ITPR2: variants seen among roughly 807,000 people sequenced by gnomAD.
The protein encoded by ITPR2 is inositol 1,4,5-trisphosphate-gated calcium channel ITPR2.
Under a neutral mutation model 317.1 loss-of-function variants are expected in ITPR2, and 207 were observed. The observed-to-expected ratio is 0.65, with a 90% CI of 0.58 to 0.73. The LOEUF (loss-of-function observed/expected upper bound fraction) is 0.73. Ranked by LOEUF, ITPR2 falls within the 30% of genes least tolerant of loss-of-function variation. The pLI is 0.00. For synonymous variants in ITPR2, 1,156 were observed against 1,149.1 expected, an observed-to-expected ratio of 1.01 and a Z score of -0.12; for missense variants, 2,613 against 3,284.0, an observed-to-expected ratio of 0.80 and a Z score of 4.99.
intron 13 of ITPR2, among the ~76,000 whole-genome samples, chr12:26,673,495 C>A (rs1331534238): frequency 6.6e-6 from 1 of 151,552 alleles, no homozygotes; most frequent in Admixed American, 6.6e-5. Flanking sequence ...AATTCAACAA[C>A]CCTTCATGCT....
intron 37 of ITPR2, among the ~76,000 whole-genome samples, chr12:26,503,220 C>CACACACACACACACACACACA (rs1555143322): frequency 6.6e-6 from 1 of 151,544 alleles, no homozygotes; most frequent in Non-Finnish European, 1.5e-5. Flanking sequence ...CACACACACA[C>CACACACACACACACACACACA]GGATTAAGTG....
intron 55 of ITPR2, among the ~76,000 whole-genome samples, chr12:26,379,775 A>G (rs1288799573): frequency 2.0e-5 from 3 of 152,198 alleles, no homozygotes; most frequent in Non-Finnish European, 2.9e-5. Context: ...TACATATTTT[A>G]TCAATGGGTA....
At chr12:26,605,126 A>AAAAAAATATATATATATATAT (rs1555165395) in intron 26 of ITPR2, among the ~76,000 whole-genome samples, 12 of 136,318 alleles carry the variant, frequency 8.8e-5, no homozygotes, top group African/African-American at 3.2e-4. Context: ...AAAAAATAAA[A>AAAAAAATATATATATATATAT]ATATATATAT....
intron 1 of ITPR2, among the ~76,000 whole-genome samples, chr12:26,810,072 C>T (rs1015793427): frequency 3.3e-5 from 5 of 152,210 alleles, no homozygotes; most frequent in Admixed American, 3.3e-4. Context: ...GGAAGTAAGA[C>T]TTATCCTAAA....
At chr12:26,495,299 C>A in intron 37 of ITPR2, 39 bp from the exon 38 acceptor site, 2 of 1,126,402 alleles carry the variant, frequency 1.8e-6, no homozygotes, top group East Asian at 2.4e-5. Context: ...GTTCCCTTTT[C>A]TAATAAAAGT....
intron 9 of ITPR2, among the ~76,000 whole-genome samples, chr12:26,700,634 G>A (rs1948428096): frequency 6.6e-6 from 1 of 152,160 alleles, no homozygotes; most frequent in Non-Finnish European, 1.5e-5. Context: ...AGAGTGGTGT[G>A]ATGCAAGCTG....
At chr12:26,430,407 G>T (rs1472988718) in intron 48 of ITPR2, among the ~76,000 whole-genome samples, 1 of 152,160 alleles carries the variant, frequency 6.6e-6, no homozygotes, top group Non-Finnish European at 1.5e-5. Flanking sequence ...GTCAGTACAG[G>T]TGCCTGCCAC....
intron 2 of ITPR2, among the ~76,000 whole-genome samples, chr12:26,765,830 A>T (rs1410597500): frequency 6.6e-6 from 1 of 152,056 alleles, no homozygotes; most frequent in African/African-American, 2.4e-5. Flanking sequence ...GGCAATCATT[A>T]ATCTAATTTC....
intron 32 of ITPR2, among the ~76,000 whole-genome samples, chr12:26,588,436 C>A (rs1362312988): frequency 2.6e-5 from 4 of 152,062 alleles, no homozygotes; most frequent in African/African-American, 9.7e-5. Context: ...CTTCACTTCC[C>A]TGAAATATTA....
intron 8 of ITPR2, among the ~76,000 whole-genome samples, chr12:26,713,474 G>A (rs772889119): frequency 1.3e-5 from 2 of 152,074 alleles, no homozygotes; most frequent in Non-Finnish European, 2.9e-5. Flanking sequence ...AATTCATTAC[G>A]GTGAGGGACG....
intron 2 of ITPR2, among the ~76,000 whole-genome samples, chr12:26,771,384 G>A (rs1949840452): frequency 6.6e-6 from 1 of 152,170 alleles, no homozygotes; most frequent in Non-Finnish European, 1.5e-5. Context: ...GCCACGTGCT[G>A]CGAATGACAG....
intron 55 of ITPR2, among the ~76,000 whole-genome samples, chr12:26,370,909 G>A (rs1939169707): frequency 2.0e-5 from 3 of 152,294 alleles, no homozygotes; most frequent in Middle Eastern, 3.4e-3. Flanking sequence ...TCCTGACCCC[G>A]TGATCCGCCT....
intron 45 of ITPR2, among the ~76,000 whole-genome samples, chr12:26,463,163 A>AT (rs1426913693): frequency 2.0e-5 from 3 of 152,148 alleles, no homozygotes; most frequent in African/African-American, 7.2e-5. Flanking sequence ...CTTATAATTG[A>AT]TTTATCTGTA....
chr12:26,607,979 G>A (rs1017200521), intron 26 of ITPR2, among the ~76,000 whole-genome samples: 14 of 152,146 alleles, frequency 9.2e-5, no homozygotes, highest in African/African-American at 3.1e-4. Flanking sequence ...AAATTAGCCA[G>A]GAGTGGTGGC....
chr12:26,339,363 G>C lies in ITPR2; in HGVS notation c.*34C>G. The C allele has an allele frequency of 6.5e-7, 1 of 1,549,478 alleles. No individual in the cohort carries two copies. Among genetic ancestry groups the C allele is most frequent in the Non-Finnish European group, 8.9e-7 (1 of 1,121,934 alleles). ...TTATTCAGTGATCAGGCAGGACACT[G>C]ATGAAAGGCTAGTCACGGCTTCCCC... On this transcript the variant is annotated 3_prime_UTR_variant, in exon 57 of 57. Transcript: ENST00000381340.
At chr12:26,807,521 G>A (rs1035896350) in intron 1 of ITPR2, among the ~76,000 whole-genome samples, 3 of 152,202 alleles carry the variant, frequency 2.0e-5, no homozygotes, top group Admixed American at 1.3e-4. Context: ...CATATGTGGG[G>A]AATCCAAATC....
At chr12:26,819,746 G>T (rs529447450) in intron 1 of ITPR2, among the ~76,000 whole-genome samples, 1 of 151,516 alleles carries the variant, frequency 6.6e-6, no homozygotes, top group South Asian at 2.1e-4. Context: ...CTTTAATGTG[G>T]CTATAGCATG....
At chr12:26,724,167 C>A (rs759968139) in intron 4 of ITPR2, among the ~76,000 whole-genome samples, 25 of 152,048 alleles carry the variant, frequency 1.6e-4, no homozygotes, top group Admixed American at 7.2e-4. Flanking sequence ...AAGTAAGAAG[C>A]TAAAAAGATC....
chr12:26,695,738 T>A, intron 9 of ITPR2, 88 bp from the exon 10 acceptor site: 2 of 805,796 alleles, frequency 2.5e-6, no homozygotes, highest in South Asian at 1.5e-5. Flanking sequence ...TAATATTCTA[T>A]CCTCAACTAA....
Sources: gnomAD v4.1 joint callset for allele counts (sites outside exome capture counted in the v4.1 genomes callset) on GRCh38, gnomAD v4.1.1 for gene constraint, MANE v1.5 for transcripts, NCBI Gene and HGNC (gene_info 2026-07-23, HGNC 2026-07-21) for gene names.